PRKX: variants seen among roughly 807,000 people sequenced by gnomAD.
PRKX encodes the protein cAMP-dependent protein kinase catalytic subunit PRKX.
In PRKX, 12 loss-of-function variants were observed where a neutral mutation model predicts 22.0. The ratio of observed to expected loss-of-function variants is 0.54; its 90% CI spans 0.35 to 0.88. PRKX has a LOEUF of 0.88. PRKX is among the 40% of genes least tolerant of loss of function. PRKX has a pLI of 0.01. For missense variants in PRKX, 217 were observed against 308.0 expected (o/e 0.70, Z 2.21); for synonymous variants, 134 against 137.7 (o/e 0.97, Z 0.19).
intron 3 of PRKX, among the ~76,000 whole-genome samples, chrX:3,646,155 G>A (rs1225216813): frequency 1.8e-5 from 2 of 110,531 alleles, no homozygotes; most frequent in African/African-American, 3.3e-5. Context: ...AGCTGGGCGC[G>A]GTGGCAGGCA....
At chrX:3,628,368 C>T (rs1455325457) in intron 4 of PRKX, among the ~76,000 whole-genome samples, 3 of 110,704 alleles carry the variant, frequency 2.7e-5, no homozygotes, top group Non-Finnish European at 3.8e-5. Flanking sequence ...AATAACATGT[C>T]GTATTGTTTC....
chrX:3,612,130 G>A, intron 8 of PRKX, 47 bp downstream of exon 8: 1 of 1,123,675 alleles, frequency 8.9e-7, no homozygotes, highest in Admixed American at 2.4e-5. Flanking sequence ...TGGATGTGGG[G>A]TCGAGTCAGT....
chrX:3,635,457 C>A (rs1214367565), intron 4 of PRKX, among the ~76,000 whole-genome samples: 1 of 112,159 alleles, frequency 8.9e-6, no homozygotes, highest in African/African-American at 3.2e-5. Context: ...ACCCCATAGT[C>A]CTCTGGGATG....
chrX:3,708,265 G>C (rs1312011732), intron 1 of PRKX, among the ~76,000 whole-genome samples: 2 of 111,314 alleles, frequency 1.8e-5, no homozygotes, highest in African/African-American at 6.5e-5. Flanking sequence ...CACCAAATCT[G>C]CCATGCCTTC....
chrX:3,616,447 G>A (rs1603472978), intron 6 of PRKX, among the ~76,000 whole-genome samples: 1 of 111,493 alleles, frequency 9.0e-6, no homozygotes, highest in African/African-American at 3.3e-5. Flanking sequence ...GTAGCACCAG[G>A]CATCGCTGGC....
intron 1 of PRKX, among the ~76,000 whole-genome samples, chrX:3,694,204 T>A (rs919407902): frequency 9.3e-6 from 1 of 107,544 alleles, no homozygotes; most frequent in Non-Finnish European, 1.9e-5. Flanking sequence ...CTGGCCAACA[T>A]GGTGAAATCC....
chrX:3,604,544 G>C lies in PRKX; in HGVS notation c.*4425C>G, dbSNP rs1409746008. 1.8e-5 allele frequency: 2 copies of C among 112,295 alleles called. No homozygotes were observed. The highest frequency in any genetic ancestry group is 5.7e-4 in the East Asian group (2 of 3,528). The allele number at this position is 112,295 out of a possible 1,213,427, so 9.3% of individuals were successfully genotyped here. On this transcript the variant is annotated 3_prime_UTR_variant, in exon 9 of 9. Coordinates refer to ENST00000262848, the MANE Select transcript of PRKX (RefSeq NM_005044.5). ...TCCCCTCCCCGACCCCCCATGAGAA[G>C]GGGTCACCCCGCGGGGTTCCCAGTT...
At chrX:3,661,762 A>G (rs183959420) in intron 2 of PRKX, among the ~76,000 whole-genome samples, 170 of 112,197 alleles carry the variant, frequency 1.5e-3, no homozygotes, top group Admixed American at 0.015. Flanking sequence ...GGACGAGTTT[A>G]GTGACCACAG....
chrX:3,691,625 G>A (rs1452784254), intron 1 of PRKX, among the ~76,000 whole-genome samples: 1 of 111,204 alleles, frequency 9.0e-6, no homozygotes, highest in Non-Finnish European at 1.9e-5. Flanking sequence ...CTGTGGTGGG[G>A]CCATCCTGTG....
intron 1 of PRKX, among the ~76,000 whole-genome samples, chrX:3,707,633 AAATTT>A (rs1332390293): frequency 2.7e-5 from 3 of 109,954 alleles, no homozygotes; most frequent in Admixed American, 9.6e-5. Context: ...AATTTAACTT[AAATTT>A]AATTTAACAT....
chrX:3,646,117 C>A (rs1448369119), intron 3 of PRKX, among the ~76,000 whole-genome samples: 2 of 110,995 alleles, frequency 1.8e-5, no homozygotes, highest in African/African-American at 6.5e-5. Flanking sequence ...ATGGTGAAAC[C>A]CTGTCTCTAC....
chrX:3,666,855 C>G (rs1927739689), intron 2 of PRKX, among the ~76,000 whole-genome samples: 1 of 93,318 alleles, frequency 1.1e-5, no homozygotes, highest in Non-Finnish European at 2.0e-5. Context: ...CTGCAGTGGG[C>G]CATGATTGCA....
intron 5 of PRKX, among the ~76,000 whole-genome samples, chrX:3,625,394 C>A (rs1192298737): frequency 4.4e-4 from 49 of 111,533 alleles, no homozygotes; most frequent in Non-Finnish European, 1.9e-5. Flanking sequence ...AGAAAATAGA[C>A]CATGGAAAAG....
chrX:3,616,704 A>G lies in PRKX; in HGVS notation c.874-812T>C, dbSNP rs767730625. Among the ~76,000 whole-genome samples the G allele has an allele frequency of 2.9e-4, 33 of 112,192 alleles. No individual in the cohort carries two copies. The East Asian group carries it at 8.9e-3, about 30-fold the overall frequency. Reference sequence around the variant, plus strand: ...GGAATACGTCCACAACCATATCTTCAAAAGGAAACAGTAATGTGAATTTTT... The same window carrying G: ...GGAATACGTCCACAACCATATCTTCGAAAGGAAACAGTAATGTGAATTTTT... On this transcript the variant is annotated intron_variant, in intron 6 of 8. Coordinates refer to ENST00000262848, the MANE Select transcript of PRKX (RefSeq NM_005044.5).
intron 1 of PRKX, among the ~76,000 whole-genome samples, chrX:3,700,542 T>A: frequency 8.9e-6 from 1 of 111,780 alleles, no homozygotes; most frequent in Middle Eastern, 4.6e-3. Context: ...TTTCTTTTAC[T>A]TTTTTCTTCT....
chrX:3,639,944 G>A (rs755690594), intron 4 of PRKX, among the ~76,000 whole-genome samples: 10 of 111,326 alleles, frequency 9.0e-5, no homozygotes, highest in African/African-American at 2.6e-4. Context: ...AGGAACAAGC[G>A]CTCGGTGCTC....
At position 3,604,776 on chromosome X, in the gene PRKX, C is replaced by T. The variant is rs1308182628; in HGVS notation, c.*4193G>A. The T allele has an allele frequency of 8.9e-6, 1 of 111,974 alleles. No homozygotes were observed. Among genetic ancestry groups the T allele is most frequent in the Non-Finnish European group, 1.9e-5 (1 of 53,224 alleles). 9.2% of individuals were successfully genotyped at this position (111,974 alleles called of 1,213,427 possible). On this transcript the variant is annotated 3_prime_UTR_variant, in exon 9 of 9. Transcript: ENST00000262848. ...AGGACTGTGGAAAGGCTTCAAGTCT[C>T]ATCTGCTAAAACACAATTGTAATGC...
chrX:3,693,349 G>A (rs1415343353), intron 1 of PRKX, among the ~76,000 whole-genome samples: 1 of 111,364 alleles, frequency 9.0e-6, no homozygotes, highest in Non-Finnish European at 1.9e-5. Context: ...TTAAAGTCCT[G>A]TTCATAAGGT....
chrX:3,646,433 T>C (rs1205583129), intron 3 of PRKX, among the ~76,000 whole-genome samples: 1 of 112,065 alleles, frequency 8.9e-6, no homozygotes, highest in East Asian at 2.8e-4. Context: ...GGTGAGCATG[T>C]CACTCAGCTA....
Sources: gnomAD v4.1 joint callset for allele counts (sites outside exome capture counted in the v4.1 genomes callset) on GRCh38, gnomAD v4.1.1 for gene constraint, MANE v1.5 for transcripts, NCBI Gene and HGNC (gene_info 2026-07-23, HGNC 2026-07-21) for gene names.